CNTNAP2: variants seen among roughly 807,000 people sequenced by gnomAD.
The protein encoded by CNTNAP2 is contactin associated protein 2, also known as contactin-associated protein-like 2.
A neutral mutation model predicts 155.2 loss-of-function variants in CNTNAP2; 98 were observed. That is an observed-to-expected ratio of 0.63 (90% CI 0.54 to 0.75). The LOEUF (loss-of-function observed/expected upper bound fraction) is 0.75, where lower values mean the gene tolerates loss of function less well. Ranked by LOEUF, CNTNAP2 falls within the 30% of genes least tolerant of loss-of-function variation. CNTNAP2 has a pLI of 0.00. For missense variants in CNTNAP2, 1,727 were observed against 1,688.1 expected, an observed-to-expected ratio of 1.02 and a Z score of -0.40; for synonymous variants, 651 against 631.2, an observed-to-expected ratio of 1.03 and a Z score of -0.47.
chr7:147,734,289 G>T (rs191948404), intron 13 of CNTNAP2, among the ~76,000 whole-genome samples: 6 of 152,006 alleles, frequency 3.9e-5, no homozygotes, highest in African/African-American at 7.2e-5. Context: ...GGTTTTTGTC[G>T]TTGGTTCTGT....
intron 21 of CNTNAP2, among the ~76,000 whole-genome samples, chr7:148,291,249 G>A (rs1271368654): frequency 6.6e-6 from 1 of 150,988 alleles, no homozygotes; most frequent in Non-Finnish European, 1.5e-5. Flanking sequence ...ATCAGCATGT[G>A]TTTTAGTCAG....
intron 3 of CNTNAP2, among the ~76,000 whole-genome samples, chr7:146,918,506 C>A (rs1419177766): frequency 4.2e-4 from 64 of 152,176 alleles, no homozygotes; most frequent in Admixed American, 4.2e-3. Flanking sequence ...AAAGATAGGA[C>A]TCCAGTCCCT....
At chr7:146,598,954 C>G (rs559595713) in intron 1 of CNTNAP2, among the ~76,000 whole-genome samples, 10 of 152,096 alleles carry the variant, frequency 6.6e-5, no homozygotes, top group Non-Finnish European at 1.5e-4. Context: ...TCCCCAAAAG[C>G]CTCTTTGTTC....
intron 12 of CNTNAP2, among the ~76,000 whole-genome samples, chr7:147,631,733 G>C (rs534885371): frequency 2.9e-4 from 44 of 152,212 alleles, no homozygotes; most frequent in African/African-American, 8.9e-4. Context: ...AGTGGGGAAA[G>C]GATACCCTAT....
intron 10 of CNTNAP2, among the ~76,000 whole-genome samples, chr7:147,453,877 T>C (rs1279830412): frequency 6.6e-6 from 1 of 152,186 alleles, no homozygotes; most frequent in East Asian, 1.9e-4. Context: ...TCATTGTGAA[T>C]TTTTGAGAAT....
intron 1 of CNTNAP2, among the ~76,000 whole-genome samples, chr7:146,547,793 C>G (rs1026737901): frequency 2.9e-4 from 43 of 150,676 alleles, no homozygotes; most frequent in African/African-American, 1.0e-3. Context: ...TCTTCAAGAT[C>G]CTGGTTTTAA....
intron 21 of CNTNAP2, among the ~76,000 whole-genome samples, chr7:148,351,535 G>C (rs1798425194): frequency 6.6e-6 from 1 of 151,816 alleles, no homozygotes. Context: ...ACGAGGTCAG[G>C]AGTTCAAGAC....
chr7:146,921,470 C>A (rs775171322), intron 3 of CNTNAP2, among the ~76,000 whole-genome samples: 4 of 151,914 alleles, frequency 2.6e-5, no homozygotes, highest in Non-Finnish European at 5.9e-5. Flanking sequence ...CAAAGATGTA[C>A]CCAAGACTGG....
Position 147,422,103 on chromosome 7 carries a change from G to GTATA in CNTNAP2, c.1670+26334_1670+26337dup, listed in dbSNP as rs3050514. Among the ~76,000 whole-genome samples, 408 of 138,942 alleles carry GTATA rather than the reference G, an allele frequency of 2.9e-3. 1 individual carries two copies. Among genetic ancestry groups the GTATA allele is most frequent in the African/African-American group, 6.8e-3 (229 of 33,804 alleles). The allele number at this position is 138,942 out of a possible 152,430, so 91.2% of individuals were successfully genotyped here. On this transcript the variant is annotated intron_variant, in intron 10 of 23. Coordinates refer to ENST00000361727, the MANE Select transcript of CNTNAP2 (RefSeq NM_014141.6). ...TGTGTGTAACTACAGTATATATACA[G>GTATA]TATATATATATATAGTATGTATATA... is the stretch of plus-strand genomic sequence containing the variant.
At chr7:147,714,800 A>G (rs913137170) in intron 13 of CNTNAP2, among the ~76,000 whole-genome samples, 2 of 152,030 alleles carry the variant, frequency 1.3e-5, no homozygotes, top group African/African-American at 4.8e-5. Context: ...CCATTACCAG[A>G]AGACTTCATT....
At chr7:146,804,924 C>T in intron 2 of CNTNAP2, among the ~76,000 whole-genome samples, 1 of 152,168 alleles carries the variant, frequency 6.6e-6, no homozygotes, top group East Asian at 1.9e-4. Context: ...CCTCATTGTC[C>T]TCCTCTTAAT....
Position 146,816,921 on chromosome 7 carries a change from C to A in CNTNAP2, c.209-22790C>A, listed in dbSNP as rs529446310. ...AGCTGAGTTTACCTGAGGAAAATAT[C>A]ATAGATAATAAGTTCCCAATAAAAG... is the stretch of plus-strand genomic sequence containing the variant. On this transcript the variant is annotated intron_variant, in intron 2 of 23. Transcript: ENST00000361727. Among the ~76,000 whole-genome samples the A allele has an allele frequency of 4.6e-5, 7 of 152,234 alleles. No individual in the cohort carries two copies. In the East Asian group the frequency reaches 1.4e-3, roughly 29 times the overall value.
chr7:147,386,528 G>C (rs904051728), intron 9 of CNTNAP2, among the ~76,000 whole-genome samples: 1 of 152,020 alleles, frequency 6.6e-6, no homozygotes, highest in African/African-American at 2.4e-5. Flanking sequence ...TCTAGGGCAG[G>C]GGCAAAATGC....
At chr7:146,260,610 T>G (rs543031285) in intron 1 of CNTNAP2, among the ~76,000 whole-genome samples, 141 of 152,326 alleles carry the variant, frequency 9.3e-4, no homozygotes, top group African/African-American at 3.3e-3. Flanking sequence ...CTGCTGGAAT[T>G]GGACTTGAAT....
intron 1 of CNTNAP2, among the ~76,000 whole-genome samples, chr7:146,758,871 C>G (rs961383026): frequency 2.0e-5 from 3 of 152,078 alleles, no homozygotes. Context: ...TTGAATCTCT[C>G]CTCTCCTTCC....
intron 3 of CNTNAP2, among the ~76,000 whole-genome samples, chr7:146,976,480 A>C (rs1455409449): frequency 1.3e-5 from 2 of 152,130 alleles, no homozygotes; most frequent in Non-Finnish European, 2.9e-5. Flanking sequence ...CTTGGGTTTG[A>C]TTAATTTGCT....
At chr7:146,563,358 A>T (rs1265253515) in intron 1 of CNTNAP2, among the ~76,000 whole-genome samples, 1 of 152,070 alleles carries the variant, frequency 6.6e-6, no homozygotes, top group Non-Finnish European at 1.5e-5. Flanking sequence ...AAACCATTAC[A>T]CTATTGAACT....
At chr7:146,612,239 A>ACGT (rs1799150766) in intron 1 of CNTNAP2, among the ~76,000 whole-genome samples, 1 of 151,606 alleles carries the variant, frequency 6.6e-6, no homozygotes, top group African/African-American at 2.4e-5. Flanking sequence ...TATATTAGTA[A>ACGT]TGTAAAATAG....
chr7:146,200,545 T>TAC (rs1455508200), intron 1 of CNTNAP2, among the ~76,000 whole-genome samples: 4 of 149,080 alleles, frequency 2.7e-5, no homozygotes, highest in Non-Finnish European at 1.5e-5. Context: ...CACACACATA[T>TAC]ATATACTGTG....
Sources: allele counts gnomAD v4.1 joint callset (sites outside exome capture counted in the v4.1 genomes callset), GRCh38; gene constraint gnomAD v4.1.1; transcripts MANE v1.5; gene names NCBI Gene and HGNC (gene_info 2026-07-23, HGNC 2026-07-21).